Variants in BOK observed in about 807,000 individuals in gnomAD.
BOK encodes BCL2 family apoptosis regulator BOK, also known as bcl-2-related ovarian killer protein.
In BOK, 20 loss-of-function variants were observed where a neutral mutation model predicts 18.3. That is an observed-to-expected ratio of 1.09 (90% CI 0.77 to 1.59). The LOEUF is 1.59. Among genes scored for constraint, BOK ranks in the 40% most tolerant of loss-of-function variants. The probability of loss-of-function intolerance (pLI) is 0.00; values close to 1 mark genes in which losing one functional copy is unlikely to be tolerated. For synonymous variants in BOK, 173 were observed against 142.4 expected (o/e 1.21, Z -1.53); for missense variants, 348 against 307.9 (o/e 1.13, Z -0.97).
At chr2:241,559,880 C>G (rs2066499947) in intron 2 of BOK, among the ~76,000 whole-genome samples, 177 bp downstream of exon 2, 1 of 152,178 alleles carries the variant, frequency 6.6e-6, no homozygotes, top group South Asian at 2.1e-4. Context: ...CTCAGGCCTC[C>G]CACGCCACAG....
chr2:241,569,279 G>A (rs185839588), intron 3 of BOK, among the ~76,000 whole-genome samples: 36 of 151,582 alleles, frequency 2.4e-4, no homozygotes, highest in African/African-American at 3.9e-4. Context: ...TTATAGGCGC[G>A]TGCCACCACG....
chr2:241,568,691 T>A (rs1037408227), intron 3 of BOK, among the ~76,000 whole-genome samples: 1 of 152,210 alleles, frequency 6.6e-6, no homozygotes, highest in African/African-American at 2.4e-5. Flanking sequence ...GTGCTGGGAT[T>A]ATAGGCGTGA....
chr2:241,561,132 A>G (rs887150489), intron 2 of BOK, among the ~76,000 whole-genome samples: 17 of 152,028 alleles, frequency 1.1e-4, no homozygotes, highest in Middle Eastern at 3.4e-3. Context: ...AATTAATGAG[A>G]TACAGAGCAG....
rs973547701 is a variant in BOK at position 241,562,826 on chromosome 2, C to T, written c.349+350C>T. On this transcript the variant is annotated intron_variant, in intron 3 of 4. Coordinates refer to ENST00000318407, the MANE Select transcript of BOK (RefSeq NM_032515.5). This position sits in a 1 kb window ranked among gnomAD's most constrained non-coding sequence, Gnocchi z 4.5. ...CTGGTTTCCTGCAGGGGCCCCCGAGCGGGGCTTGGGCTTCTCACAGCATGG... is the reference window on the plus strand; with the variant it reads ...CTGGTTTCCTGCAGGGGCCCCCGAGTGGGGCTTGGGCTTCTCACAGCATGG... Among the ~76,000 whole-genome samples the T allele has an allele frequency of 6.6e-6, 1 of 152,166 alleles. No homozygotes were observed. The highest frequency in any genetic ancestry group is 2.4e-5 in the African/African-American group (1 of 41,434).
Position 241,565,399 on chromosome 2 carries a change from T to C in BOK, c.349+2923T>C, listed in dbSNP as rs73123530. Reference sequence around the variant, plus strand: ...GGAGCTAGGGCAGGGCCGCCCCTTCTGCCCCTCAGGCCCACTGGCAGTTGC... The same window carrying C: ...GGAGCTAGGGCAGGGCCGCCCCTTCCGCCCCTCAGGCCCACTGGCAGTTGC... On this transcript the variant is annotated intron_variant, in intron 3 of 4. Coordinates refer to ENST00000318407, the MANE Select transcript of BOK (RefSeq NM_032515.5). Among the ~76,000 whole-genome samples the C allele has an allele frequency of 8.5e-3, 1,298 of 152,126 alleles. 17 individuals are homozygous for C. Among genetic ancestry groups the C allele is most frequent in the African/African-American group, 0.03 (1,248 of 41,508 alleles).
intron 1 of BOK, among the ~76,000 whole-genome samples, chr2:241,552,370 T>C (rs1359465654): frequency 1.3e-5 from 2 of 152,150 alleles, no homozygotes; most frequent in African/African-American, 2.4e-5. Context: ...TGCGAGCCGC[T>C]TGTGTTCGGC....
chr2:241,560,070 G>GA, intron 2 of BOK: 1 of 985,430 alleles, frequency 1.0e-6, no homozygotes, highest in Non-Finnish European at 1.2e-6. Context: ...TTGGAAAACA[G>GA]ATTCTTGCTG....
In BOK at chr2:241,570,428, G is replaced by A. The variant is rs372157711; in HGVS notation, c.513+140G>A. 4.7e-5 allele frequency: 16 copies of A among 337,030 alleles called. No homozygotes were observed. The East Asian group carries it at 6.4e-4, about 14-fold the overall frequency. The allele number at this position is 337,030 out of a possible 1,614,324, so 20.9% of individuals were successfully genotyped here. Reference sequence around the variant, plus strand: ...GTGCGAGGGTACAGACGTACGGGAGGGAGTGGCGGATGGGTGAGTGTCTGA... The same window carrying A: ...GTGCGAGGGTACAGACGTACGGGAGAGAGTGGCGGATGGGTGAGTGTCTGA... On this transcript the variant is annotated intron_variant, in intron 4 of 4. Transcript: ENST00000318407.
rs573929483 is a variant in BOK, at chr2:241,571,048, G to A, written c.513+760G>A. ...GTGCAGAGGTACGGGAGGGAGTGGC[G>A]GATGGGTGGTCACCTGAGCACTCCT... is the stretch of plus-strand genomic sequence containing the variant. On this transcript the variant is annotated intron_variant, in intron 4 of 4. Transcript: ENST00000318407. Among the ~76,000 whole-genome samples, 4 of 151,592 alleles carry A rather than the reference G, an allele frequency of 2.6e-5. 1 individual carries two copies. In the South Asian group the frequency reaches 8.3e-4, roughly 31 times the overall value.
intron 2 of BOK, among the ~76,000 whole-genome samples, chr2:241,560,638 A>G (rs1240339719): frequency 2.0e-5 from 3 of 152,132 alleles, no homozygotes; most frequent in Admixed American, 6.5e-5. Context: ...GGACCAGCAC[A>G]GAGCCTCCAG....
chr2:241,555,343 A>G (rs1483194538), upstream of BOK, among the ~76,000 whole-genome samples: 1 of 150,350 alleles, frequency 6.7e-6, no homozygotes, highest in Non-Finnish European at 1.5e-5. Flanking sequence ...CGGTGTCACC[A>G]TGCTGGGCTT....
At chr2:241,552,623 G>A (rs983360753) in intron 1 of BOK, among the ~76,000 whole-genome samples, 2 of 152,152 alleles carry the variant, frequency 1.3e-5, no homozygotes, top group African/African-American at 4.8e-5. Flanking sequence ...TGTCTCCTTC[G>A]TGTCTTTTTC....
intron 2 of BOK, among the ~76,000 whole-genome samples, chr2:241,560,778 T>C (rs1051455002): frequency 1.3e-5 from 2 of 152,098 alleles, no homozygotes; most frequent in African/African-American, 4.8e-5. Flanking sequence ...AGAATGACCC[T>C]AGGGGATCCT....
At chr2:241,563,329 G>A (rs1419198076) in intron 3 of BOK, among the ~76,000 whole-genome samples, 1 of 152,174 alleles carries the variant, frequency 6.6e-6, no homozygotes, top group Non-Finnish European at 1.5e-5. Flanking sequence ...GCAGACCTCA[G>A]CCCCCTGCCT....
At chr2:241,553,067 C>T (rs370064719) in intron 1 of BOK, among the ~76,000 whole-genome samples, 9 of 152,360 alleles carry the variant, frequency 5.9e-5, no homozygotes, top group South Asian at 4.1e-4. Flanking sequence ...CTGCTGCCAC[C>T]GACCCCCGTG....
chr2:241,569,384 G>GC (rs1432219017), intron 3 of BOK, among the ~76,000 whole-genome samples: 4 of 152,228 alleles, frequency 2.6e-5, no homozygotes, highest in Non-Finnish European at 5.9e-5. Context: ...GCCCGCCTCG[G>GC]CCTCCCAAAG....
In BOK at chr2:241,572,319, T is replaced by C. The variant is rs982838565; in HGVS notation, c.536T>C (p.Val179Ala). ...CAGACTGATGTCCTCAAGTGTGTGG[T>C]CAGCACAGACCCTGGCCTCCGCTCC... ...GGWTDVLKCV[V>A]STDPGLRSHW... Residue 179 changes from valine to alanine, a missense_variant, in exon 5 of 5, where the codon GTC becomes GCC. Transcript: ENST00000318407. The C allele has an allele frequency of 4.3e-6, 7 of 1,611,470 alleles. No individual in the cohort carries two copies. In the African/African-American group the frequency reaches 9.3e-5, roughly 22 times the overall value.
At chr2:241,560,605 T>G (rs2066511604) in intron 2 of BOK, among the ~76,000 whole-genome samples, 1 of 151,504 alleles carries the variant, frequency 6.6e-6, no homozygotes, top group African/African-American at 2.4e-5. Flanking sequence ...GGAGTGTGTG[T>G]GGGGTGCAGA....
At chr2:241,556,851 T>C (rs181417647), upstream of BOK, among the ~76,000 whole-genome samples, 6 of 152,330 alleles carry the variant, frequency 3.9e-5, no homozygotes, top group Non-Finnish European at 5.9e-5. Flanking sequence ...AATTTCTCAA[T>C]GAAACCATCT....
Sources: allele counts gnomAD v4.1 joint callset (sites outside exome capture counted in the v4.1 genomes callset), GRCh38; gene constraint gnomAD v4.1.1; non-coding constraint Gnocchi (gnomAD v3.1); transcripts MANE v1.5; gene names NCBI Gene and HGNC (gene_info 2026-07-23, HGNC 2026-07-21).